SYT5: variants seen among roughly 807,000 people sequenced by gnomAD.
SYT5 encodes the protein synaptotagmin-5.
In SYT5, 29 loss-of-function variants were observed where a neutral mutation model predicts 36.0. The observed-to-expected ratio is 0.81, with a 90% CI of 0.60 to 1.10. SYT5 has a LOEUF of 1.10. SYT5 is among the 50% of genes least tolerant of loss of function. SYT5 has a pLI of 0.00. For synonymous variants in SYT5, 231 were observed against 227.6 expected (o/e 1.02, Z -0.14); for missense variants, 512 against 516.0 (o/e 0.99, Z 0.08).
Position 55,179,061 on chromosome 19 carries a change from CT to C in SYT5, c.-21del. 6.3e-7 allele frequency: 1 copy of C among 1,598,712 alleles called. No homozygotes were observed. The highest frequency in any genetic ancestry group is 1.3e-5 in the African/African-American group (1 of 74,704). ...GAACATGGTGGCGGGGTCCTGGAGTCTTTTCTGCAGAGACACTCAAGCACCC... is the reference window on the plus strand; with the variant it reads ...GAACATGGTGGCGGGGTCCTGGAGTCTTTCTGCAGAGACACTCAAGCACCC... On this transcript the variant is annotated 5_prime_UTR_variant, in exon 2 of 9. Transcript: ENST00000354308. The surrounding 1 kb of genome is among the most constrained non-coding windows in gnomAD (Gnocchi z 4.5).
chr19:55,173,514 CG>C lies in SYT5; in HGVS notation c.1130del (p.Pro377ArgfsTer4). ...GCGCAGGCAGCAGCCTCACTCGGTC[CG>C]GGGGCCGCAGCGAGTGCCACTGGGC... The part of the protein sequence containing the change: ...PIAQWHSLRP[P>X]DRVRLLPAP On this transcript the variant is annotated frameshift_variant, in exon 9 of 9. Transcript: ENST00000354308. LOFTEE classifies it high-confidence loss of function. This position sits in a 1 kb window ranked among gnomAD's most constrained non-coding sequence, Gnocchi z 5.4. The C allele has an allele frequency of 9.3e-6, 13 of 1,390,742 alleles. No individual in the cohort carries two copies. The highest frequency in any genetic ancestry group is 3.6e-5 in the Admixed American group (1 of 28,090). The allele number at this position is 1,390,742 out of a possible 1,614,324, so 86.2% of individuals were successfully genotyped here.
intron 3 of SYT5, 43 bp downstream of exon 3, chr19:55,178,153 G>A: frequency 6.3e-7 from 1 of 1,587,512 alleles, no homozygotes; most frequent in Non-Finnish European, 8.6e-7. Context: ...AGAGGAGCAG[G>A]GTGCGGGAAG....
Position 55,173,572 on chromosome 19 carries a change from G to A in SYT5, c.1073C>T (p.Ala358Val). 3.4e-6 allele frequency: 5 copies of A among 1,470,408 alleles called. No homozygotes were observed. Among genetic ancestry groups the A allele is most frequent in the Non-Finnish European group, 4.5e-6 (5 of 1,111,768 alleles). 91.1% of individuals were successfully genotyped at this position (1,470,408 alleles called of 1,614,324 possible). ...AAGGAGLRHW[A>V]DMLANPRRPI... Reference sequence around the variant, plus strand: ...CCGCCGCGGGTTGGCCAGCATGTCCGCCCAGTGCCGCAGGCCAGCCCCGCC... The same window carrying A: ...CCGCCGCGGGTTGGCCAGCATGTCCACCCAGTGCCGCAGGCCAGCCCCGCC... The change falls in exon 9 of 9, where the codon GCG becomes GTG. Residue 358 changes from alanine (A) to valine (V), a missense_variant. Physicochemically the swap from Ala to Val is moderately conservative, Grantham distance 64. Transcript: ENST00000354308. The surrounding 1 kb of genome is among the most constrained non-coding windows in gnomAD (Gnocchi z 5.4).
At position 55,175,058 on chromosome 19, in the gene SYT5, G is replaced by A; in HGVS notation, c.709-59C>T. 1 of 1,601,522 alleles carries A rather than the reference G, an allele frequency of 6.2e-7. No individual in the cohort carries two copies. The highest frequency in any genetic ancestry group is 8.5e-7 in the Non-Finnish European group (1 of 1,175,326). On this transcript the variant is annotated intron_variant, in intron 6 of 8. Coordinates refer to ENST00000354308, the MANE Select transcript of SYT5 (RefSeq NM_003180.3). The surrounding 1 kb of genome is among the most constrained non-coding windows in gnomAD (Gnocchi z 4.5). ...GCTCCACATCCATGCCTCCTCAGGG[G>A]TACAATCCACGCCGCCCTGAGGGTC...
In SYT5 at chr19:55,175,413, A is replaced by C. The variant is rs1386408048; in HGVS notation, c.541-74T>G. On this transcript the variant is annotated intron_variant, in intron 5 of 8. Transcript: ENST00000354308. The surrounding 1 kb of genome is among the most constrained non-coding windows in gnomAD (Gnocchi z 4.5). ...GGTGAGGCACAGCACAACCAGAAGG[A>C]AGGCATGGAGTGAGGCAGCGAGGGT... 5.6e-6 allele frequency: 8 copies of C among 1,440,608 alleles called. No individual in the cohort carries two copies. The highest frequency in any genetic ancestry group is 2.7e-5 in the Admixed American group (1 of 37,352). The allele number at this position is 1,440,608 out of a possible 1,614,324, so 89.2% of individuals were successfully genotyped here.
chr19:55,175,228 C>T lies in SYT5; in HGVS notation c.652G>A (p.Asp218Asn). 1 of 1,611,244 alleles carries T rather than the reference C, an allele frequency of 6.2e-7. No individual in the cohort carries two copies. Among genetic ancestry groups the T allele is most frequent in the Non-Finnish European group, 8.5e-7 (1 of 1,179,166 alleles). Residue 218 changes from aspartate (D) to asparagine (N), a missense_variant, in exon 6 of 9, where the codon GAC (aspartate) becomes AAC (asparagine). Asp to Asn is a conservative substitution (Grantham distance 23). Transcript: ENST00000354308. The surrounding 1 kb of genome is among the most constrained non-coding windows in gnomAD (Gnocchi z 4.5). Reference protein sequence around the residue: ...GEVRVPMSSVDLGRPVQAWRE... With the variant: ...GEVRVPMSSVNLGRPVQAWRE... ...CAGGCCTGCACTGGCCGCCCCAGGT[C>T]CACGGAGCTCATAGGGACCCGCACC...
Position 55,175,429 on chromosome 19 carries a change from C to T in SYT5, c.541-90G>A, listed in dbSNP as rs1190651614. On this transcript the variant is annotated intron_variant, in intron 5 of 8. Transcript: ENST00000354308. This position sits in a 1 kb window ranked among gnomAD's most constrained non-coding sequence, Gnocchi z 4.5. ...ACCAGAAGGAAGGCATGGAGTGAGG[C>T]AGCGAGGGTCGAAGCGAACAGTTGG... 4 of 1,364,854 alleles carry T rather than the reference C, an allele frequency of 2.9e-6. No individual in the cohort carries two copies. Among genetic ancestry groups the T allele is most frequent in the Non-Finnish European group, 3.9e-6 (4 of 1,026,256 alleles). 84.5% of individuals were successfully genotyped at this position (1,364,854 alleles called of 1,614,324 possible). A position where few individuals can be genotyped will look rare whatever the true frequency, so the allele number is the denominator to read the frequency against.
chr19:55,175,031 C>T lies in SYT5; in HGVS notation c.709-32G>A, dbSNP rs1355044868. 5.0e-6 allele frequency: 8 copies of T among 1,608,204 alleles called. No individual in the cohort carries two copies. Among genetic ancestry groups the T allele is most frequent in the South Asian group, 1.1e-5 (1 of 91,018 alleles). On this transcript the variant is annotated intron_variant, in intron 6 of 8. Transcript: ENST00000354308. This position sits in a 1 kb window ranked among gnomAD's most constrained non-coding sequence, Gnocchi z 4.5. ...GGAGAGGGGCCCATCACCAGAGCCC[C>T]GGCTCCACATCCATGCCTCCTCAGG...
rs149109725 is a variant in SYT5 at position 55,174,550 on chromosome 19, A to C, written c.927T>G (p.Ala309=). The C allele has an allele frequency of 5.5e-4, 882 of 1,614,084 alleles. 5 individuals are homozygous for C. In the African/African-American group the frequency reaches 0.01, roughly 19 times the overall value. ...GGTCACAGGGCACCTCGAAGCTGAAAGCTTCGTTGTAATAGGGGTTCAGAG... is the reference window on the plus strand; with the variant it reads ...GGTCACAGGGCACCTCGAAGCTGAACGCTTCGTTGTAATAGGGGTTCAGAG... ...KNTLNPYYNE[A]FSFEVPCDQV... is the part of the protein sequence containing the mutation. The change falls in exon 8 of 9, where the codon GCT becomes GCG. Residue 309 remains alanine, a synonymous_variant. Coordinates refer to ENST00000354308, the MANE Select transcript of SYT5 (RefSeq NM_003180.3).
At chr19:55,178,093 G>A (rs150983400) in intron 3 of SYT5, 103 bp downstream of exon 3, 33,723 of 1,329,258 alleles carry the variant, frequency 0.025, 480 homozygotes, top group Middle Eastern at 0.06. Flanking sequence ...CAGTAAGGTG[G>A]GTTCCTATAG....
intron 8 of SYT5, chr19:55,174,057 T>C (rs1442709101): frequency 2.6e-5 from 6 of 230,400 alleles, no homozygotes; most frequent in Non-Finnish European, 4.1e-5. Flanking sequence ...TCTCTTTTTC[T>C]TAGAACCACG....
chr19:55,173,461 T>C lies in SYT5; in HGVS notation c.*23A>G. 7.5e-7 allele frequency: 1 copy of C among 1,337,924 alleles called. No individual in the cohort carries two copies. The highest frequency in any genetic ancestry group is 3.1e-5 in the East Asian group (1 of 32,078). The allele number at this position is 1,337,924 out of a possible 1,614,324, so 82.9% of individuals were successfully genotyped here. A position where few individuals can be genotyped will look rare whatever the true frequency, so the allele number is the denominator to read the frequency against. On this transcript the variant is annotated 3_prime_UTR_variant, in exon 9 of 9. Transcript: ENST00000354308. The surrounding 1 kb of genome is among the most constrained non-coding windows in gnomAD (Gnocchi z 5.4). ...GGGGTCAGGGGCTAGAGTCCAGGCT[T>C]GGCCGGGGGCTTGGGGTGGGAGTCA... is the stretch of plus-strand genomic sequence containing the variant.
At chr19:55,177,472 A>T (rs2086089331) in intron 3 of SYT5, 1 of 152,078 alleles carries the variant, frequency 6.6e-6, no homozygotes, top group Non-Finnish European at 1.5e-5. Context: ...CTCTGTTTTA[A>T]ACTTTTTCCT....
rs1196812640 is a variant in SYT5 at position 55,175,647 on chromosome 19, C to A, written c.540+62G>T. 5.1e-6 allele frequency: 8 copies of A among 1,582,892 alleles called. No individual in the cohort carries two copies. Among genetic ancestry groups the A allele is most frequent in the African/African-American group, 1.3e-5 (1 of 74,148 alleles). Reference sequence around the variant, plus strand: ...TCCAGGAAAAGCGGAAGGGGTCGGTCCCTAGTGTTCCAGGGACTGGGCACA... The same window carrying A: ...TCCAGGAAAAGCGGAAGGGGTCGGTACCTAGTGTTCCAGGGACTGGGCACA... On this transcript the variant is annotated intron_variant, in intron 5 of 8. Transcript: ENST00000354308. The surrounding 1 kb of genome is among the most constrained non-coding windows in gnomAD (Gnocchi z 4.5).
rs767020548 is a variant in SYT5 at position 55,175,208 on chromosome 19, C to T, written c.672G>A (p.Gln224=). 1.5e-5 allele frequency: 24 copies of T among 1,610,122 alleles called. No homozygotes were observed. In the African/African-American group the frequency reaches 2.9e-4, roughly 20 times the overall value. The change falls in exon 6 of 9, where the codon CAG becomes CAA. Residue 224 remains glutamine, a synonymous_variant. Coordinates refer to ENST00000354308, the MANE Select transcript of SYT5 (RefSeq NM_003180.3). The surrounding 1 kb of genome is among the most constrained non-coding windows in gnomAD (Gnocchi z 4.5). Reference sequence around the variant, plus strand: ...GAGCCGCCTGCAGCTCCCGCCAGGCCTGCACTGGCCGCCCCAGGTCCACGG... The same window carrying T: ...GAGCCGCCTGCAGCTCCCGCCAGGCTTGCACTGGCCGCCCCAGGTCCACGG... ...MSSVDLGRPV[Q]AWRELQAAPR... is the part of the protein sequence containing the mutation.
In SYT5 at chr19:55,173,319, T is replaced by C. The variant is rs529893488; in HGVS notation, c.*165A>G. ...TGGAAAGTTGTCGTGATTGGCATCG[T>C]TGGGGGTGAGAAGACAGGAATGGTT... On this transcript the variant is annotated 3_prime_UTR_variant, in exon 9 of 9. Transcript: ENST00000354308. This position sits in a 1 kb window ranked among gnomAD's most constrained non-coding sequence, Gnocchi z 5.4. The C allele has an allele frequency of 4.0e-6, 2 of 497,020 alleles. No homozygotes were observed. The highest frequency in any genetic ancestry group is 4.5e-5 in the Admixed American group (1 of 22,392). 30.8% of individuals were successfully genotyped at this position (497,020 alleles called of 1,614,324 possible). A position where few individuals can be genotyped will look rare whatever the true frequency, so the allele number is the denominator to read the frequency against.
In SYT5 at chr19:55,173,823, G is replaced by T; in HGVS notation, c.961-139C>A. Reference sequence around the variant, plus strand: ...GGGCCCCGGAGCTCGGGACGGGGGAGGGGGTGGGAGACGAGAGGGACGGAG... The same window carrying T: ...GGGCCCCGGAGCTCGGGACGGGGGATGGGGTGGGAGACGAGAGGGACGGAG... On this transcript the variant is annotated intron_variant, in intron 8 of 8. Transcript: ENST00000354308. This position sits in a 1 kb window ranked among gnomAD's most constrained non-coding sequence, Gnocchi z 5.4. 1 of 849,148 alleles carries T rather than the reference G, an allele frequency of 1.2e-6. No individual in the cohort carries two copies. Among genetic ancestry groups the T allele is most frequent in the Non-Finnish European group, 1.6e-6 (1 of 615,938 alleles). 52.6% of individuals were successfully genotyped at this position (849,148 alleles called of 1,614,324 possible).
rs1363282839 is a variant in SYT5, at chr19:55,179,232, C to T, written c.-45-146G>A. On this transcript the variant is annotated intron_variant, in intron 1 of 8. Transcript: ENST00000354308. The surrounding 1 kb of genome is among the most constrained non-coding windows in gnomAD (Gnocchi z 4.5). ...CTGGGAGTTGTAGTATCAGCCTCCC[C>T]GCACTTGAGAGGGGGTGTCCAGGAC... 1 of 1,497,382 alleles carries T rather than the reference C, an allele frequency of 6.7e-7. No homozygotes were observed. Among genetic ancestry groups the T allele is most frequent in the Non-Finnish European group, 8.9e-7 (1 of 1,127,256 alleles). The allele number at this position is 1,497,382 out of a possible 1,614,324, so 92.8% of individuals were successfully genotyped here. A position where few individuals can be genotyped will look rare whatever the true frequency, so the allele number is the denominator to read the frequency against.
chr19:55,174,836 AC>A lies in SYT5; in HGVS notation c.826+45del. The A allele has an allele frequency of 2.5e-6, 4 of 1,590,996 alleles. No homozygotes were observed. The East Asian group carries it at 9.0e-5, about 36-fold the overall frequency. ...TCAGAAACTGTCAGAACGAGAACCC[AC>A]CCCACGCCATCCCCACACACCCCAC... On this transcript the variant is annotated intron_variant, in intron 7 of 8. Transcript: ENST00000354308.
Sources: gnomAD v4.1 joint callset for allele counts on GRCh38, gnomAD v4.1.1 for gene constraint, Gnocchi (gnomAD v3.1) non-coding constraint, MANE v1.5 for transcripts, NCBI Gene and HGNC (gene_info 2026-07-23, HGNC 2026-07-21) for gene names.